Variants in MGAM observed in about 807,000 individuals in gnomAD.
MGAM encodes the protein alpha-1,4-glucosidase.
Under a neutral mutation model 358.8 loss-of-function variants are expected in MGAM, and 253 were observed. The ratio of observed to expected loss-of-function variants is 0.71; its 90% CI spans 0.64 to 0.78. MGAM has a LOEUF of 0.78. MGAM is among the 30% of genes least tolerant of loss of function. The probability of loss-of-function intolerance (pLI) is 0.00; values close to 1 mark genes in which losing one functional copy is unlikely to be tolerated. For synonymous variants in MGAM, 1,105 were observed against 1,227.1 expected (o/e 0.90, Z 2.08); for missense variants, 3,080 against 3,432.6 (o/e 0.90, Z 2.57).
At position 142,082,362 on chromosome 7, in the gene MGAM, A is replaced by T. The variant is rs912479634; in HGVS notation, c.6172-113A>T. 4 of 1,277,050 alleles carry T rather than the reference A, an allele frequency of 3.1e-6. No individual in the cohort carries two copies. The African/African-American group carries it at 4.3e-5, about 14-fold the overall frequency. 79.1% of individuals were successfully genotyped at this position (1,277,050 alleles called of 1,614,324 possible). A position where few individuals can be genotyped will look rare whatever the true frequency, so the allele number is the denominator to read the frequency against. On this transcript the variant is annotated intron_variant, in intron 51 of 70. Transcript: ENST00000475668. ...TCAGGCTCCTTTGTTTCATGTGTTTAATTGATTTCATGGAGAAAACTAGAC... is the reference window on the plus strand; with the variant it reads ...TCAGGCTCCTTTGTTTCATGTGTTTTATTGATTTCATGGAGAAAACTAGAC...
At chr7:142,008,759 A>T (rs1805368378) in intron 3 of MGAM, 54 bp downstream of exon 3, 11 of 1,531,780 alleles carry the variant, frequency 7.2e-6, no homozygotes, top group African/African-American at 2.8e-5. Context: ...TTGATAGTTT[A>T]TTTTTTTTTG....
intron 10 of MGAM, chr7:142,030,111 G>A (rs2129002915): frequency 2.4e-6 from 1 of 413,562 alleles, no homozygotes; most frequent in East Asian, 4.8e-5. Context: ...TAATGCCAGA[G>A]TGCCAGGCAA....
chr7:142,056,427 G>C lies in MGAM; in HGVS notation c.3580+331G>C, dbSNP rs116890058. ...ATGGGTCAGAGAAGTTAGTCTGGGGGTATTGAGGGTGTATGGTATGTTGGA... is the reference window on the plus strand; with the variant it reads ...ATGGGTCAGAGAAGTTAGTCTGGGGCTATTGAGGGTGTATGGTATGTTGGA... On this transcript the variant is annotated intron_variant, in intron 29 of 70. Coordinates refer to ENST00000475668, the MANE Select transcript of MGAM (RefSeq NM_001365693.1). Among the ~76,000 whole-genome samples the C allele has an allele frequency of 2.9e-3, 437 of 151,652 alleles. 6 individuals carry two copies. In the East Asian group the frequency reaches 0.033, roughly 11 times the overall value.
Position 142,105,989 on chromosome 7 carries a change from C to A in MGAM, c.*98C>A. ...TTGTGTGTTGCTAATTTGTTCATAC[C>A]CACTATTGGTGAAATATTTCTGTTA... is the stretch of plus-strand genomic sequence containing the variant. On this transcript the variant is annotated 3_prime_UTR_variant, in exon 71 of 71. Transcript: ENST00000475668. 1 of 919,828 alleles carries A rather than the reference C, an allele frequency of 1.1e-6. No homozygotes were observed. Among genetic ancestry groups the A allele is most frequent in the Non-Finnish European group, 1.7e-6 (1 of 574,336 alleles). 57.0% of individuals were successfully genotyped at this position (919,828 alleles called of 1,614,324 possible).
At position 142,093,530 on chromosome 7, in the gene MGAM, C is replaced by G. The variant is rs1311108480; in HGVS notation, c.7152C>G (p.Ser2384=). The G allele has an allele frequency of 2.0e-6, 3 of 1,501,724 alleles. No individual in the cohort carries two copies. The highest frequency in any genetic ancestry group is 4.9e-5 in the East Asian group (2 of 40,568). The allele number at this position is 1,501,724 out of a possible 1,614,324, so 93.0% of individuals were successfully genotyped here. A position where few individuals can be genotyped will look rare whatever the true frequency, so the allele number is the denominator to read the frequency against. Residue 2384 remains serine (S), a synonymous_variant, in exon 60 of 71, where the codon TCC becomes TCG. Coordinates refer to ENST00000475668, the MANE Select transcript of MGAM (RefSeq NM_001365693.1). ...HYNVHNLYGW[S]QTRPTYEAVQ... ...ATGTGCACAACCTGTACGGGTGGTC[C>G]CAGACCAGACCCACATACGAGTGAG...
chr7:142,010,570 T>C lies in MGAM; in HGVS notation c.327+1865T>C, dbSNP rs1805522574. Among the ~76,000 whole-genome samples the C allele has an allele frequency of 5.9e-5, 9 of 152,270 alleles. No individual in the cohort carries two copies. In the South Asian group the frequency reaches 1.9e-3, roughly 32 times the overall value. On this transcript the variant is annotated intron_variant, in intron 3 of 70. Transcript: ENST00000475668. ...CAGCCATCCCTAGATCATCATTTCC[T>C]CATGCTTGGGTTGCTCCAGGTGCCC...
At chr7:142,042,751 AAT>A (rs1285135608) in intron 21 of MGAM, among the ~76,000 whole-genome samples, 6 of 77,600 alleles carry the variant, frequency 7.7e-5, no homozygotes, top group South Asian at 8.7e-4. Flanking sequence ...ATCTGAATAT[AAT>A]ATATATATTA....
At chr7:142,006,140 C>T (rs1159908) in intron 2 of MGAM, among the ~76,000 whole-genome samples, 1 of 152,046 alleles carries the variant, frequency 6.6e-6, no homozygotes, top group Non-Finnish European at 1.5e-5. Flanking sequence ...TCCATAAGAA[C>T]TGAGGGTCCT....
In MGAM at chr7:142,052,297, G is replaced by A. The variant is rs191173315; in HGVS notation, c.2809G>A (p.Ala937Thr). The A allele has an allele frequency of 1.8e-5, 29 of 1,602,720 alleles. No homozygotes were observed. In the Admixed American group the frequency reaches 4.1e-4, roughly 23 times the overall value. ...TVTYDSNLKVAIITDIDLLLG... is the reference protein window; with the variant it reads ...TVTYDSNLKVTIITDIDLLLG... ...TATGATTTCCACATTCCTACAGGTT[G>A]CCATTATCACAGATATTGATCTTCT... Residue 937 changes from alanine to threonine, a missense_variant, in exon 25 of 71, where the codon GCC becomes ACC. Ala to Thr is a moderately conservative substitution (Grantham distance 58, BLOSUM62 0). Around this residue, in one of 5 missense-constraint regions of MGAM, gnomAD observed 1,816 missense variants for 1,840.5 expected, o/e 0.99. Coordinates refer to ENST00000475668, the MANE Select transcript of MGAM (RefSeq NM_001365693.1).
chr7:142,084,947 A>G (rs1814624768), intron 54 of MGAM, among the ~76,000 whole-genome samples: 2 of 146,480 alleles, frequency 1.4e-5, no homozygotes, highest in Non-Finnish European at 3.1e-5. Flanking sequence ...TGTAGTCAAA[A>G]TGTCCTTGGT....
chr7:141,988,132 A>G (rs917121295), intron 2 of MGAM, among the ~76,000 whole-genome samples: 22 of 151,790 alleles, frequency 1.4e-4, no homozygotes, highest in African/African-American at 5.3e-4. Context: ...TACTAAAAAT[A>G]CAAAGATTAG....
chr7:142,068,811 T>C (rs1813075599), intron 43 of MGAM, 108 bp downstream of exon 43: 2 of 990,894 alleles, frequency 2.0e-6, no homozygotes. Context: ...CCACCTGCTG[T>C]GTGGTCTTAG....
At chr7:142,010,989 A>G (rs1805548418) in intron 3 of MGAM, among the ~76,000 whole-genome samples, 1 of 152,186 alleles carries the variant, frequency 6.6e-6, no homozygotes, top group South Asian at 2.1e-4. Context: ...TAGGAAAGAA[A>G]TGATAGTTAA....
intron 24 of MGAM, 98 bp from the exon 25 acceptor site, chr7:142,052,196 T>A: frequency 3.9e-6 from 4 of 1,029,482 alleles, no homozygotes; most frequent in Non-Finnish European, 5.5e-6. Flanking sequence ...GAAAGTCTGG[T>A]CTAATTTCTA....
Position 142,034,713 on chromosome 7 carries a change from A to T in MGAM, c.1831A>T (p.Thr611Ser), listed in dbSNP as rs782002751. 3 of 1,613,534 alleles carry T rather than the reference A, an allele frequency of 1.9e-6. No individual in the cohort carries two copies. The Admixed American group carries it at 5.0e-5, about 27-fold the overall frequency. Residue 611 changes from threonine (T) to serine (S), a missense_variant, in exon 16 of 71, where the codon ACC (threonine) becomes TCC (serine). Thr to Ser is a moderately conservative substitution (Grantham distance 58, BLOSUM62 1). Around this residue, in one of 5 missense-constraint regions of MGAM, gnomAD observed 1,816 missense variants for 1,840.5 expected, o/e 0.99. Transcript: ENST00000475668. ...CCCTAATAAGAGAAGCTTCATTCTG[A>T]CCCGTTCTACCTTTGCGGGCTCTGG... is the stretch of plus-strand genomic sequence containing the variant. ...VFPNKRSFIL[T>S]RSTFAGSGKF...
At chr7:142,004,269 T>C (rs1554451649) in intron 1 of MGAM, 1 of 152,170 alleles carries the variant, frequency 6.6e-6, no homozygotes, top group Middle Eastern at 3.4e-3. Flanking sequence ...GTGTTCACAA[T>C]AGTAAAGTCA....
In MGAM at chr7:142,083,464, T is replaced by C. The variant is rs113813097; in HGVS notation, c.6381+51T>C. Reference sequence around the variant, plus strand: ...AAGTACTTATATAGCACATTCTGGGTGCCAGAGCCCACATTCATTAGTATA... The same window carrying C: ...AAGTACTTATATAGCACATTCTGGGCGCCAGAGCCCACATTCATTAGTATA... On this transcript the variant is annotated intron_variant, in intron 53 of 70. Coordinates refer to ENST00000475668, the MANE Select transcript of MGAM (RefSeq NM_001365693.1). 5.3e-4 allele frequency: 680 copies of C among 1,286,582 alleles called. 18 individuals carry two copies. In the African/African-American group the frequency reaches 8.9e-3, roughly 17 times the overall value. The allele number at this position is 1,286,582 out of a possible 1,614,324, so 79.7% of individuals were successfully genotyped here.
At chr7:142,010,267 G>T (rs992584762) in intron 3 of MGAM, among the ~76,000 whole-genome samples, 2 of 152,000 alleles carry the variant, frequency 1.3e-5, no homozygotes, top group African/African-American at 4.8e-5. Flanking sequence ...ACTCTAGTTC[G>T]GATCTTTAGT....
At position 141,988,843 on chromosome 7, in the gene MGAM, T is replaced by G. The variant is rs142117027; in HGVS notation, c.-2-16686T>G. Among the ~76,000 whole-genome samples the G allele has an allele frequency of 2.9e-3, 439 of 152,310 alleles. 5 individuals are homozygous for G. The highest frequency in any genetic ancestry group is 3.5e-3 in the East Asian group (18 of 5,178). On this transcript the variant is annotated intron_variant, in intron 2 of 5. Transcript: ENST00000465654. ...GACAAGGAAATGCTGTAATGTCCTG[T>G]GTACATTGTTTCCACTCTCACCTTC...
Sources: allele counts gnomAD v4.1 joint callset (sites outside exome capture counted in the v4.1 genomes callset), GRCh38; gene constraint gnomAD v4.1.1; regional missense constraint gnomAD v4.1.1; transcripts MANE v1.5; gene names NCBI Gene and HGNC (gene_info 2026-07-23, HGNC 2026-07-21).